The following DYM variants were observed in gnomAD, a reference collection of about 807,000 sequenced individuals.
DYM encodes dymeclin, also known as dyggve-Melchior-Clausen syndrome protein.
Under a neutral mutation model 93.1 loss-of-function variants are expected in DYM, and 78 were observed. That is an observed-to-expected ratio of 0.84 (90% CI 0.70 to 1.01). The LOEUF (loss-of-function observed/expected upper bound fraction) is 1.01. Ranked by LOEUF, DYM falls within the 50% of genes least tolerant of loss-of-function variation. DYM has a pLI of 0.00. For missense variants in DYM, 789 were observed against 845.0 expected, an observed-to-expected ratio of 0.93 and a Z score of 0.82; for synonymous variants, 321 against 319.7, an observed-to-expected ratio of 1.00 and a Z score of -0.04.
At chr18:49,372,183 T>C (rs898284616) in intron 5 of DYM, among the ~76,000 whole-genome samples, 2 of 152,226 alleles carry the variant, frequency 1.3e-5, no homozygotes, top group African/African-American at 4.8e-5. Context: ...TAAATGGATG[T>C]CTTCAGCTAC....
chr18:49,235,463 T>C (rs1181160123), intron 13 of DYM, among the ~76,000 whole-genome samples: 1 of 90,784 alleles, frequency 1.1e-5, no homozygotes, highest in East Asian at 2.4e-4. Flanking sequence ...GTGAAAAAAA[T>C]TTAAAAATAG....
At chr18:49,085,800 G>T (rs1463953661) in intron 17 of DYM, among the ~76,000 whole-genome samples, 1 of 151,976 alleles carries the variant, frequency 6.6e-6, no homozygotes, top group Non-Finnish European at 1.5e-5. Context: ...TAGAGACGGG[G>T]TTTCACCATC....
chr18:49,169,099 C>A (rs542849925), intron 14 of DYM, among the ~76,000 whole-genome samples: 1 of 152,276 alleles, frequency 6.6e-6, no homozygotes, highest in East Asian at 1.9e-4. Context: ...ATTTACCCAG[C>A]GCCTAGTATG....
At chr18:49,379,548 G>A in intron 4 of DYM, 117 bp downstream of exon 4, 1 of 901,386 alleles carries the variant, frequency 1.1e-6, no homozygotes, top group Non-Finnish European at 1.8e-6. Context: ...TCTTAATAAT[G>A]AGAATAATTC....
intron 15 of DYM, among the ~76,000 whole-genome samples, chr18:49,119,602 T>C (rs2082200977): frequency 6.6e-6 from 1 of 152,198 alleles, no homozygotes; most frequent in African/African-American, 2.4e-5. Flanking sequence ...ATTATAACAT[T>C]GATGTGGTTC....
intron 8 of DYM, among the ~76,000 whole-genome samples, chr18:49,317,597 C>CT (rs1487407610): frequency 0.094 from 1,909 of 20,300 alleles, 103 homozygotes; most frequent in East Asian, 0.15. Flanking sequence ...CTCTCTCTCT[C>CT]CCCCCTCCCC....
intron 6 of DYM, among the ~76,000 whole-genome samples, chr18:49,339,724 C>G (rs2063948319): frequency 6.6e-6 from 1 of 152,174 alleles, no homozygotes. Flanking sequence ...CTACGGTATA[C>G]TCAGATCTCT....
chr18:49,275,674 T>TA (rs1426141199), intron 10 of DYM, among the ~76,000 whole-genome samples: 4 of 152,020 alleles, frequency 2.6e-5, no homozygotes, highest in Non-Finnish European at 4.4e-5. Context: ...GCCAGAAGTT[T>TA]AAGACCAGCC....
chr18:49,444,174 T>C (rs2081905285), intron 1 of DYM, among the ~76,000 whole-genome samples: 1 of 152,208 alleles, frequency 6.6e-6, no homozygotes, highest in Non-Finnish European at 1.5e-5. Context: ...AGAAAACATC[T>C]GAATCTATCA....
At chr18:49,239,372 T>C (rs893474695) in intron 13 of DYM, among the ~76,000 whole-genome samples, 1 of 152,222 alleles carries the variant, frequency 6.6e-6, no homozygotes, top group Non-Finnish European at 1.5e-5. Flanking sequence ...TTTATAAAAC[T>C]TAATTCAACA....
intron 2 of DYM, among the ~76,000 whole-genome samples, chr18:49,404,733 T>C (rs771553269): frequency 6.6e-5 from 10 of 152,182 alleles, no homozygotes; most frequent in Non-Finnish European, 1.0e-4. Flanking sequence ...AAACTGTCCA[T>C]TCACGGCTGG....
At chr18:49,446,179 T>C (rs1187379521) in intron 1 of DYM, among the ~76,000 whole-genome samples, 1 of 151,830 alleles carries the variant, frequency 6.6e-6, no homozygotes, top group Non-Finnish European at 1.5e-5. Flanking sequence ...CCCAGCACTT[T>C]GGGAGGCCCA....
At chr18:49,120,078 C>CAAAAAA (rs71165367) in intron 15 of DYM, among the ~76,000 whole-genome samples, 2 of 56,188 alleles carry the variant, frequency 3.6e-5, no homozygotes, top group Non-Finnish European at 7.8e-5. Flanking sequence ...GATCCTGTCT[C>CAAAAAA]AAAAAAAAAA....
At chr18:49,226,887 C>G (rs2093552593) in intron 13 of DYM, among the ~76,000 whole-genome samples, 1 of 151,968 alleles carries the variant, frequency 6.6e-6, no homozygotes, top group Admixed American at 6.6e-5. Flanking sequence ...AAATAGCCAT[C>G]AAAGACATAT....
At chr18:49,367,311 A>G (rs1429386487) in intron 5 of DYM, among the ~76,000 whole-genome samples, 1 of 152,254 alleles carries the variant, frequency 6.6e-6, no homozygotes, top group African/African-American at 2.4e-5. Context: ...CTAAAGCCCC[A>G]CTGCTCTAGT....
At chr18:49,129,684 A>G (rs2083202553) in intron 15 of DYM, among the ~76,000 whole-genome samples, 1 of 152,172 alleles carries the variant, frequency 6.6e-6, no homozygotes, top group Non-Finnish European at 1.5e-5. Flanking sequence ...AAAGGCTGGT[A>G]TGGAGCAGGC....
chr18:49,274,730 A>G (rs972713408), intron 10 of DYM, among the ~76,000 whole-genome samples: 1 of 152,002 alleles, frequency 6.6e-6, no homozygotes, highest in African/African-American at 2.4e-5. Context: ...CTGATGACTA[A>G]TAATGTCAAG....
intron 14 of DYM, among the ~76,000 whole-genome samples, chr18:49,182,631 C>T (rs1017472790): frequency 3.3e-5 from 5 of 152,110 alleles, no homozygotes; most frequent in African/African-American, 4.8e-5. Context: ...GCATTTATAT[C>T]TATCCTTTTG....
intron 14 of DYM, among the ~76,000 whole-genome samples, chr18:49,190,766 A>G (rs1418918496): frequency 1.3e-5 from 2 of 152,076 alleles, no homozygotes; most frequent in Admixed American, 6.5e-5. Flanking sequence ...CACCCCTGAG[A>G]CAGCAGACCA....
Sources: allele counts gnomAD v4.1 joint callset (sites outside exome capture counted in the v4.1 genomes callset), GRCh38; gene constraint gnomAD v4.1.1; transcripts MANE v1.5; gene names NCBI Gene and HGNC (gene_info 2026-07-23, HGNC 2026-07-21).